The following CSF1R variants were observed in gnomAD, a reference collection of about 807,000 sequenced individuals.
CSF1R encodes the protein colony stimulating factor 1 receptor.
Under a neutral mutation model 110.0 loss-of-function variants are expected in CSF1R, and 40 were observed. The ratio of observed to expected loss-of-function variants is 0.36; its 90% CI spans 0.28 to 0.47. The LOEUF is 0.47. Among genes scored for constraint, CSF1R ranks in the 20% least tolerant of loss-of-function variants. The pLI is 0.99. For synonymous variants in CSF1R, 523 were observed against 503.4 expected (o/e 1.04, Z -0.52); for missense variants, 1,052 against 1,253.0 (o/e 0.84, Z 2.42).
chr5:150,076,265 T>TC (rs1383588933), intron 5 of CSF1R, among the ~76,000 whole-genome samples: 1 of 152,162 alleles, frequency 6.6e-6, no homozygotes, highest in Admixed American at 6.5e-5. Context: ...TCAGATACTA[T>TC]CTCCTGGTGC....
At chr5:150,069,308 C>G (rs1757925741) in intron 9 of CSF1R, among the ~76,000 whole-genome samples, 1 of 152,174 alleles carries the variant, frequency 6.6e-6, no homozygotes, top group Non-Finnish European at 1.5e-5. Context: ...TGGTAAGGAG[C>G]CTTTGTGTAA....
intron 5 of CSF1R, among the ~76,000 whole-genome samples, chr5:150,074,486 TC>T (rs1223642253): frequency 6.6e-6 from 1 of 152,020 alleles, no homozygotes; most frequent in Non-Finnish European, 1.5e-5. Flanking sequence ...AACTAGTTTC[TC>T]CTAATGACAT....
In CSF1R at chr5:150,078,187, C is replaced by G. The variant is rs1758360659; in HGVS notation, c.654G>C (p.Glu218Asp). Residue 218 changes from glutamate (E) to aspartate (D), a missense_variant, in exon 4 of 21, where the codon GAG (glutamate) becomes GAC (aspartate). Coordinates refer to ENST00000675795, the MANE Select transcript of CSF1R (RefSeq NM_001288705.3). Reference sequence around the variant, plus strand: ...TGGCTGAGCACACGATCTGGGCAGCCTCCCCTCGAATCCGCACCAGCTCTG... The same window carrying G: ...TGGCTGAGCACACGATCTGGGCAGCGTCCCCTCGAATCCGCACCAGCTCTG... ...VPAELVRIRGEAAQIVCSASS... is the reference protein window; with the variant it reads ...VPAELVRIRGDAAQIVCSASS... 1.2e-6 allele frequency: 2 copies of G among 1,614,122 alleles called. No individual in the cohort carries two copies. The highest frequency in any genetic ancestry group is 1.7e-6 in the Non-Finnish European group (2 of 1,180,014).
At chr5:150,089,359 C>A (rs553412132), upstream of CSF1R, among the ~76,000 whole-genome samples, 3 of 152,278 alleles carry the variant, frequency 2.0e-5, no homozygotes, top group Non-Finnish European at 4.4e-5. Context: ...AGTTAATATA[C>A]AAATTCAGCA....
At chr5:150,084,247 T>G (rs1758696244) in intron 1 of CSF1R, among the ~76,000 whole-genome samples, 1 of 151,398 alleles carries the variant, frequency 6.6e-6, no homozygotes, top group Non-Finnish European at 1.5e-5. Flanking sequence ...GCAGAATTGC[T>G]TGAACCCCGG....
intron 2 of CSF1R, 110 bp from the exon 3 acceptor site, chr5:150,080,446 TCACAC>T (rs1447740540): frequency 1.9e-5 from 26 of 1,387,470 alleles, no homozygotes; most frequent in Admixed American, 8.6e-5. Context: ...TCATCTGAGG[TCACAC>T]CACGCCAGGA....
chr5:150,061,144 G>T (rs1286605607), intron 12 of CSF1R, among the ~76,000 whole-genome samples, 172 bp from the exon 13 acceptor site: 1 of 152,178 alleles, frequency 6.6e-6, no homozygotes, highest in Non-Finnish European at 1.5e-5. Flanking sequence ...CACACAGATG[G>T]CAGAGAGAGA....
At position 150,105,382 on chromosome 5, in the gene CSF1R, ATATTTTT is replaced by A. The variant is rs766296220; in HGVS notation, c.-181+7872_-181+7878del. ...AAAAAAAATATATATATATATATAT[ATATTTTT>A]TTTTTTTTAATAGAGGCGGGGTTAC... On this transcript the variant is annotated intron_variant, in intron 1 of 21. Transcript: ENST00000286301. Among the ~76,000 whole-genome samples the A allele has an allele frequency of 2.4e-3, 199 of 82,788 alleles. 2 individuals carry two copies. The highest frequency in any genetic ancestry group is 0.022 in the Admixed American group (156 of 7,028). The allele number at this position is 82,788 out of a possible 152,430, so 54.3% of individuals were successfully genotyped here. A position where few individuals can be genotyped will look rare whatever the true frequency, so the allele number is the denominator to read the frequency against.
At chr5:150,088,519 C>CTT (rs528725145), upstream of CSF1R, among the ~76,000 whole-genome samples, 4,357 of 146,164 alleles carry the variant, frequency 0.03, 212 homozygotes, top group African/African-American at 0.098. Context: ...CAAACCAAAT[C>CTT]TTTTTTTTTT....
intron 6 of CSF1R, among the ~76,000 whole-genome samples, chr5:150,071,951 G>A (rs545630574): frequency 2.0e-5 from 3 of 152,348 alleles, no homozygotes; most frequent in African/African-American, 7.2e-5. Context: ...GGCTTCCAGA[G>A]CTAGAACGAG....
intron 1 of CSF1R, among the ~76,000 whole-genome samples, chr5:150,097,579 A>G (rs532992227): frequency 5.8e-4 from 89 of 152,336 alleles, no homozygotes; most frequent in African/African-American, 2.0e-3. Context: ...TAAACTTAGC[A>G]AGATCACAGA....
chr5:150,055,968 GT>G, intron 18 of CSF1R, 57 bp downstream of exon 18: 1 of 1,505,824 alleles, frequency 6.6e-7, no homozygotes, highest in Non-Finnish European at 9.2e-7. Flanking sequence ...TTGTCCACCA[GT>G]GGGGCAACCA....
intron 1 of CSF1R, among the ~76,000 whole-genome samples, chr5:150,112,955 GAC>G (rs1759771794): frequency 6.6e-6 from 1 of 152,178 alleles, no homozygotes; most frequent in African/African-American, 2.4e-5. Flanking sequence ...AGGGGCTAAG[GAC>G]ACACAGTGAT....
At chr5:150,085,965 C>T (rs1758827291) in intron 1 of CSF1R, among the ~76,000 whole-genome samples, 3 of 152,310 alleles carry the variant, frequency 2.0e-5, no homozygotes, top group Non-Finnish European at 4.4e-5. Context: ...GCACCTGAGA[C>T]CGACTGAGTC....
Position 150,073,301 on chromosome 5 carries a change from C to T in CSF1R, c.1082G>A (p.Arg361Lys), listed in dbSNP as rs1443294435. 1 of 1,612,666 alleles carries T rather than the reference C, an allele frequency of 6.2e-7. No individual in the cohort carries two copies. Among genetic ancestry groups the T allele is most frequent in the Admixed American group, 1.7e-5 (1 of 59,960 alleles). ...LANATTKDTY[R>K]HTFTLSLPRL... ...GTAGACGGGAGCTGATAAGTGGTACCTGTATGTGTCCTTGGTGGTAGCATT... is the reference window on the plus strand; with the variant it reads ...GTAGACGGGAGCTGATAAGTGGTACTTGTATGTGTCCTTGGTGGTAGCATT... The change falls in exon 6 of 21, where the codon AGG becomes AAG. Residue 361 changes from arginine (R) to lysine (K), a missense_variant and splice_region_variant. This residue lies in a region of CSF1R where 693 missense variants were observed against 735.4 expected (regional missense o/e 0.94). Coordinates refer to ENST00000675795, the MANE Select transcript of CSF1R (RefSeq NM_001288705.3).
chr5:150,085,679 T>A (rs1231806379), intron 1 of CSF1R, among the ~76,000 whole-genome samples: 1 of 151,524 alleles, frequency 6.6e-6, no homozygotes, highest in Non-Finnish European at 1.5e-5. Context: ...TATACCTATT[T>A]CACCCCGAAT....
At chr5:150,077,563 ATG>A (rs1758323189) in intron 4 of CSF1R, 128 bp from the exon 5 acceptor site, 2 of 1,028,564 alleles carry the variant, frequency 1.9e-6, no homozygotes, top group African/African-American at 1.6e-5. Flanking sequence ...CACTTGTAAA[ATG>A]GGGCTAATAC....
upstream of CSF1R, among the ~76,000 whole-genome samples, chr5:150,087,987 T>C (rs1375825010): frequency 1.3e-5 from 2 of 152,178 alleles, no homozygotes; most frequent in Non-Finnish European, 2.9e-5. Context: ...TCGCATACCT[T>C]GGCTTCCCAA....
rs187317624 is a variant in CSF1R at position 150,062,959 on chromosome 5, G to A, written c.1627-1110C>T. ...CAGCCATCATGGCTTGAGGGAAGTG[G>A]GGGGCAGATTCCAGAAACAGGAAGG... On this transcript the variant is annotated intron_variant, in intron 10 of 20. Coordinates refer to ENST00000675795, the MANE Select transcript of CSF1R (RefSeq NM_001288705.3). Among the ~76,000 whole-genome samples the A allele has an allele frequency of 6.6e-4, 101 of 152,242 alleles. 1 individual carries two copies. The highest frequency in any genetic ancestry group is 3.4e-3 in the Middle Eastern group (1 of 292).
Sources: allele counts gnomAD v4.1 joint callset (sites outside exome capture counted in the v4.1 genomes callset), GRCh38; gene constraint gnomAD v4.1.1; regional missense constraint gnomAD v4.1.1; transcripts MANE v1.5; gene names NCBI Gene and HGNC (gene_info 2026-07-23, HGNC 2026-07-21).